Variants in HSDL1 observed in about 807,000 individuals in gnomAD.
HSDL1 encodes inactive hydroxysteroid dehydrogenase-like protein 1.
A neutral mutation model predicts 31.5 loss-of-function variants in HSDL1; 29 were observed. The ratio of observed to expected loss-of-function variants is 0.92; its 90% CI spans 0.69 to 1.26. The LOEUF is 1.26. HSDL1 is among the 50% of genes most tolerant of loss of function. The probability of loss-of-function intolerance (pLI) is 0.00; values close to 1 mark genes in which losing one functional copy is unlikely to be tolerated. For synonymous variants in HSDL1, 222 were observed against 155.2 expected (o/e 1.43, Z -3.20); for missense variants, 503 against 416.6 (o/e 1.21, Z -1.81).
rs1337080231 is a variant in HSDL1 at position 84,130,426 on chromosome 16, T to C, written c.226A>G (p.Thr76Ala). The C allele has an allele frequency of 1.2e-6, 2 of 1,605,392 alleles. No homozygotes were observed. Among genetic ancestry groups the C allele is most frequent in the South Asian group, 2.2e-5 (2 of 90,076 alleles). ...YGRWAVVSGA[T>A]DGIGKAYAEE... is the part of the protein sequence containing the mutation. ...GCGTAGGCTTTTCCAATCCCATCTG[T>C]TGCACCTAGGATGCAAGTCAGGAAA... Residue 76 changes from threonine (T) to alanine (A), a missense_variant, in exon 4 of 6, where the codon ACA (threonine) becomes GCA (alanine). Transcript: ENST00000219439.
rs1469199462 is a variant in HSDL1, at chr16:84,130,423, C to T, written c.229G>A (p.Asp77Asn). ...TCAGCGTAGGCTTTTCCAATCCCAT[C>T]TGTTGCACCTAGGATGCAAGTCAGG... ...GRWAVVSGAT[D>N]GIGKAYAEEL... The change falls in exon 4 of 6, where the codon GAT becomes AAT. Residue 77 changes from aspartate to asparagine, a missense_variant. By Grantham distance (23) the Asp-to-Asn change is conservative (BLOSUM62 1). Transcript: ENST00000219439. The T allele has an allele frequency of 6.2e-7, 1 of 1,605,596 alleles. No homozygotes were observed. The highest frequency in any genetic ancestry group is 8.5e-7 in the Non-Finnish European group (1 of 1,176,014).
Position 84,131,129 on chromosome 16 carries a change from G to A in HSDL1, c.193C>T (p.Gln65Ter). ...CTGACAACGGCCCATCTTCCATACT[G>A]CTTGATCAAGTCTGCTCTGCTCCCC... ...RLGSRADLIKQYGRWAVVSGA... is the reference protein window; with the variant it reads ...RLGSRADLIK Residue 65 changes from glutamine to a stop codon, truncating the protein, a stop_gained, in exon 3 of 6, where the codon CAG (glutamine) becomes TAG (stop). Coordinates refer to ENST00000219439, the MANE Select transcript of HSDL1 (RefSeq NM_031463.5). LOFTEE classifies it high-confidence loss of function. 6.2e-7 allele frequency: 1 copy of A among 1,613,868 alleles called. No homozygotes were observed. The highest frequency in any genetic ancestry group is 8.5e-7 in the Non-Finnish European group (1 of 1,179,750).
At chr16:84,126,464 C>A (rs1249270739) in intron 5 of HSDL1, among the ~76,000 whole-genome samples, 1 of 152,062 alleles carries the variant, frequency 6.6e-6, no homozygotes, top group Non-Finnish European at 1.5e-5. Context: ...TGTTCAACAT[C>A]CTACAATACA....
intron 1 of HSDL1, among the ~76,000 whole-genome samples, chr16:84,140,183 T>C (rs1018678166): frequency 2.0e-5 from 3 of 152,228 alleles, no homozygotes; most frequent in Non-Finnish European, 2.9e-5. Flanking sequence ...AACTTGCTTA[T>C]ATCTTGGTTT....
rs376211178 is a variant in HSDL1, at chr16:84,131,096, G to C, written c.220+6C>G. ...AAAAGATTATTTTGATTATAAAGTA[G>C]GTTACCGCTGACAACGGCCCATCTT... On this transcript the variant is annotated splice_donor_region_variant and intron_variant, in intron 3 of 5. Coordinates refer to ENST00000219439, the MANE Select transcript of HSDL1 (RefSeq NM_031463.5). 9 of 1,599,006 alleles carry C rather than the reference G, an allele frequency of 5.6e-6. No individual in the cohort carries two copies. In the East Asian group the frequency reaches 6.7e-5, roughly 12 times the overall value.
intron 1 of HSDL1, among the ~76,000 whole-genome samples, chr16:84,140,677 C>A (rs1442617839): frequency 6.6e-6 from 1 of 152,242 alleles, no homozygotes; most frequent in Non-Finnish European, 1.5e-5. Flanking sequence ...TCGTGGAAGT[C>A]CTGTATGCTG....
intron 1 of HSDL1, among the ~76,000 whole-genome samples, chr16:84,136,744 C>T (rs1022781210): frequency 1.3e-5 from 2 of 152,210 alleles, no homozygotes; most frequent in African/African-American, 4.8e-5. Context: ...CCATCGTGTG[C>T]AAGTACCTTA....
chr16:84,128,369 T>C (rs1335610618), intron 5 of HSDL1, among the ~76,000 whole-genome samples: 1 of 152,106 alleles, frequency 6.6e-6, no homozygotes, highest in Non-Finnish European at 1.5e-5. Context: ...TAATAGATAA[T>C]TATGCATTCT....
chr16:84,128,137 A>G (rs1159948123), intron 5 of HSDL1, among the ~76,000 whole-genome samples: 1 of 151,706 alleles, frequency 6.6e-6, no homozygotes. Flanking sequence ...AAAAACACAA[A>G]AATTTGCTGG....
chr16:84,145,110 C>CCCGCCAGACCCGCGCGGCCG lies in HSDL1; in HGVS notation c.-119_-100dup, dbSNP rs2086837186. On this transcript the variant is annotated 5_prime_UTR_variant, in exon 1 of 6. Coordinates refer to ENST00000219439, the MANE Select transcript of HSDL1 (RefSeq NM_031463.5). The stretch of plus-strand genomic sequence containing the variant: ...GGCCGGCAAAGTCTTCCAAACCGGT[C>CCCGCCAGACCCGCGCGGCCG]CCGCCAGACCCGCGCGGCCGCCGCC... 1.2e-5 allele frequency: 2 copies of CCCGCCAGACCCGCGCGGCCG among 172,054 alleles called. No individual in the cohort carries two copies. Among genetic ancestry groups the CCCGCCAGACCCGCGCGGCCG allele is most frequent in the Non-Finnish European group, 2.4e-5 (2 of 81,990 alleles). The allele number at this position is 172,054 out of a possible 1,614,324, so 10.7% of individuals were successfully genotyped here.
chr16:84,135,822 T>G (rs1296788291), intron 1 of HSDL1, among the ~76,000 whole-genome samples: 1 of 152,254 alleles, frequency 6.6e-6, no homozygotes, highest in Non-Finnish European at 1.5e-5. Context: ...GGGGGCACAG[T>G]CCATGCGTCC....
chr16:84,133,158 C>T (rs17794837), intron 2 of HSDL1, among the ~76,000 whole-genome samples: 10,281 of 151,686 alleles, frequency 0.068, 406 homozygotes, highest in Admixed American at 0.11. Flanking sequence ...ACCACTGAAA[C>T]GGAACACATA....
chr16:84,131,483 G>GTCTGTCTGTCTGTCTGTCTGTCTGTCTA (rs1232519658), intron 2 of HSDL1, among the ~76,000 whole-genome samples, 156 bp from the exon 3 acceptor site: 17 of 144,240 alleles, frequency 1.2e-4, no homozygotes, highest in African/African-American at 4.2e-4. Flanking sequence ...CACAGTTTCA[G>GTCTGTCTGTCTGTCTGTCTGTCTGTCTA]TCTATCTATC....
intron 5 of HSDL1, among the ~76,000 whole-genome samples, chr16:84,126,716 C>T (rs2151184544): frequency 6.7e-6 from 1 of 148,498 alleles, no homozygotes. Flanking sequence ...GGTTACTCTC[C>T]AGGGAGGACA....
intron 5 of HSDL1, among the ~76,000 whole-genome samples, chr16:84,128,888 AG>A: frequency 6.6e-6 from 1 of 151,916 alleles, no homozygotes; most frequent in South Asian, 2.1e-4. Flanking sequence ...TTGTATTTTT[AG>A]TACAGACAGG....
At chr16:84,128,722 T>C (rs573118054) in intron 5 of HSDL1, among the ~76,000 whole-genome samples, 1 of 152,246 alleles carries the variant, frequency 6.6e-6, no homozygotes, top group African/African-American at 2.4e-5. Flanking sequence ...TTTTTTTTTT[T>C]TTGGAAACAG....
intron 1 of HSDL1, among the ~76,000 whole-genome samples, chr16:84,137,309 G>A (rs555887483): frequency 2.6e-5 from 4 of 152,244 alleles, no homozygotes; most frequent in Admixed American, 1.3e-4. Flanking sequence ...GCCTACTCGG[G>A]AAACATTAGG....
At chr16:84,127,961 C>T (rs1248492124) in intron 5 of HSDL1, among the ~76,000 whole-genome samples, 7 of 149,944 alleles carry the variant, frequency 4.7e-5, no homozygotes, top group Non-Finnish European at 5.9e-5. Flanking sequence ...CCTCGTGATC[C>T]GCCCGCCTTG....
At chr16:84,129,878 A>AT (rs772468238) in intron 4 of HSDL1, 103 bp from the exon 5 acceptor site, 4 of 1,406,462 alleles carry the variant, frequency 2.8e-6, no homozygotes, top group Non-Finnish European at 3.9e-6. Flanking sequence ...AAAATACAGG[A>AT]TAAGCATATG....
Sources: allele counts gnomAD v4.1 joint callset (sites outside exome capture counted in the v4.1 genomes callset), GRCh38; gene constraint gnomAD v4.1.1; transcripts MANE v1.5; gene names NCBI Gene and HGNC (gene_info 2026-07-23, HGNC 2026-07-21).